Variants in HMOX2 observed in about 807,000 individuals in gnomAD.
HMOX2 encodes heme oxygenase 2, also known as heme oxygenase (decycling) 2.
HMOX2 carries 30 observed loss-of-function variants against 33.7 expected under a neutral mutation model. That is an observed-to-expected ratio of 0.89 (90% CI 0.67 to 1.21). The LOEUF is 1.21. HMOX2 is among the 50% of genes most tolerant of loss of function. The pLI is 0.00. For synonymous variants in HMOX2, 155 were observed against 155.0 expected (o/e 1.00, Z 0.00); for missense variants, 403 against 399.1 (o/e 1.01, Z -0.08).
rs17878386 is a variant in HMOX2, at chr16:4,500,143, C to T, written c.-41-5341C>T. 2.6e-5 allele frequency among the ~76,000 whole-genome samples: 4 copies of T among 152,282 alleles called. No homozygotes were observed. The South Asian group carries it at 8.3e-4, about 32-fold the overall frequency. ...TGGTTTAACTGGGAAGACAGGATGA[C>T]AGTCAGTTGTGGAAGCTGAAGCGTA... On this transcript the variant is annotated intron_variant, in intron 1 of 5. Coordinates refer to ENST00000570646, the MANE Select transcript of HMOX2 (RefSeq NM_002134.4).
intron 1 of HMOX2, among the ~76,000 whole-genome samples, chr16:4,480,347 C>CTTTT (rs57106048): frequency 2.3e-5 from 3 of 129,270 alleles, no homozygotes; most frequent in African/African-American, 5.9e-5. Context: ...AGCACCCGGC[C>CTTTT]TTTTTTTTTT....
In HMOX2 at chr16:4,509,545, CTG is replaced by C. The variant is rs752335511; in HGVS notation, c.823+13_823+14del. Reference sequence around the variant, plus strand: ...GCTGCTGAACAAGACAAAGGTAGGTCTGTGTGTCCTGAGCTCCCCTCCTGGGG... The same window carrying C: ...GCTGCTGAACAAGACAAAGGTAGGTCTGTGTCCTGAGCTCCCCTCCTGGGG... On this transcript the variant is annotated splice_region_variant and intron_variant, in intron 5 of 5. Coordinates refer to ENST00000570646, the MANE Select transcript of HMOX2 (RefSeq NM_002134.4). The C allele has an allele frequency of 6.2e-7, 1 of 1,614,168 alleles. No homozygotes were observed. The highest frequency in any genetic ancestry group is 8.5e-7 in the Non-Finnish European group (1 of 1,180,030).
intron 2 of HMOX2, 128 bp from the exon 3 acceptor site, chr16:4,506,767 T>C: frequency 1.4e-6 from 1 of 690,432 alleles, no homozygotes; most frequent in East Asian, 2.5e-5. Flanking sequence ...GTGAAGTGTC[T>C]GAGAAGCCCC....
At chr16:4,501,610 G>A (rs920946387) in intron 1 of HMOX2, among the ~76,000 whole-genome samples, 53 of 151,988 alleles carry the variant, frequency 3.5e-4, no homozygotes, top group Non-Finnish European at 5.9e-5. Flanking sequence ...AGCTTCTTGT[G>A]GATATTAGAC....
rs558614491 is a variant in HMOX2 at position 4,503,887 on chromosome 16, A to G, written c.-41-1597A>G. 1.8e-3 allele frequency among the ~76,000 whole-genome samples: 278 copies of G among 152,276 alleles called. 1 individual carries two copies. The highest frequency in any genetic ancestry group is 6.2e-3 in the African/African-American group (258 of 41,546). ...AGCACATAGAAAATGCTCAGTAAAT[A>G]AGTTCTTTTTCCTTGGCCCAGTTTG... On this transcript the variant is annotated intron_variant, in intron 1 of 5. Coordinates refer to ENST00000570646, the MANE Select transcript of HMOX2 (RefSeq NM_002134.4).
At chr16:4,508,652 T>A (rs1442372390) in intron 4 of HMOX2, among the ~76,000 whole-genome samples, 2 of 152,148 alleles carry the variant, frequency 1.3e-5, no homozygotes, top group African/African-American at 4.8e-5. Context: ...GCTTACTCTG[T>A]CCCCAGGTCC....
At chr16:4,485,265 C>G (rs1298274583) in intron 1 of HMOX2, among the ~76,000 whole-genome samples, 1 of 152,104 alleles carries the variant, frequency 6.6e-6, no homozygotes, top group South Asian at 2.1e-4. Context: ...CATGTCAGGC[C>G]TTTTTCTGAA....
chr16:4,483,330 C>T (rs1334977414), intron 1 of HMOX2, among the ~76,000 whole-genome samples: 3 of 151,924 alleles, frequency 2.0e-5, no homozygotes, highest in African/African-American at 7.3e-5. Flanking sequence ...GGGGGTAGGG[C>T]TGAAAGTTCC....
intron 1 of HMOX2, chr16:4,483,789 T>G (rs1294705467): frequency 6.6e-6 from 1 of 151,558 alleles, no homozygotes; most frequent in East Asian, 2.0e-4. Context: ...TTTTTGTATT[T>G]TTAGTAGAGA....
At chr16:4,505,101 T>C (rs1655613765) in intron 1 of HMOX2, among the ~76,000 whole-genome samples, 1 of 152,194 alleles carries the variant, frequency 6.6e-6, no homozygotes, top group African/African-American at 2.4e-5. Flanking sequence ...TCCCCCACCC[T>C]GCAGCATATG....
chr16:4,481,362 A>T (rs903773663), intron 1 of HMOX2, among the ~76,000 whole-genome samples: 2 of 151,826 alleles, frequency 1.3e-5, no homozygotes, highest in Admixed American at 1.3e-4. Context: ...AAAAAAAAAA[A>T]AAAGAAAAAA....
At chr16:4,500,415 G>T (rs1448505195) in intron 1 of HMOX2, among the ~76,000 whole-genome samples, 1 of 152,134 alleles carries the variant, frequency 6.6e-6, no homozygotes, top group African/African-American at 2.4e-5. Flanking sequence ...ATCTCATGCA[G>T]TGTAGTAGCT....
At chr16:4,485,305 C>A (rs1191087253) in intron 1 of HMOX2, among the ~76,000 whole-genome samples, 2 of 152,086 alleles carry the variant, frequency 1.3e-5, no homozygotes, top group Admixed American at 1.3e-4. Flanking sequence ...GTTGAATCCA[C>A]TGATGCAGAG....
At chr16:4,491,429 C>A (rs1013875682) in intron 1 of HMOX2, among the ~76,000 whole-genome samples, 45 of 152,214 alleles carry the variant, frequency 3.0e-4, no homozygotes, top group African/African-American at 1.0e-3. Context: ...GCGGCTGGAT[C>A]ACTTGAGTTC....
intron 1 of HMOX2, among the ~76,000 whole-genome samples, chr16:4,486,540 T>G (rs548672350): frequency 7.2e-5 from 11 of 152,262 alleles, no homozygotes; most frequent in Admixed American, 2.6e-4. Flanking sequence ...ACTACATGGT[T>G]TTTTGGAAGG....
intron 1 of HMOX2, among the ~76,000 whole-genome samples, chr16:4,480,798 G>A (rs996063952): frequency 1.3e-5 from 2 of 148,880 alleles, no homozygotes; most frequent in African/African-American, 2.5e-5. Flanking sequence ...GATTATAGGC[G>A]TCTGCCACCA....
intron 1 of HMOX2, among the ~76,000 whole-genome samples, chr16:4,485,174 C>A (rs563860390): frequency 1.1e-4 from 16 of 152,240 alleles, no homozygotes; most frequent in African/African-American, 3.9e-4. Flanking sequence ...CCATGTTGGC[C>A]AGGCTGATCT....
chr16:4,478,516 C>T (rs1340394273), intron 1 of HMOX2, among the ~76,000 whole-genome samples: 2 of 151,866 alleles, frequency 1.3e-5, no homozygotes, highest in African/African-American at 2.4e-5. Flanking sequence ...TTTGGGAGGC[C>T]GAGATGGGCG....
At chr16:4,502,755 G>A (rs1343499555) in intron 1 of HMOX2, 1 of 152,168 alleles carries the variant, frequency 6.6e-6, no homozygotes, top group Admixed American at 6.6e-5. Context: ...GTCTTACTTT[G>A]TCGGCCAGGC....
Sources: allele counts gnomAD v4.1 joint callset (sites outside exome capture counted in the v4.1 genomes callset), GRCh38; gene constraint gnomAD v4.1.1; transcripts MANE v1.5; gene names NCBI Gene and HGNC (gene_info 2026-07-23, HGNC 2026-07-21).